PPP1R9A: variants seen among roughly 807,000 people sequenced by gnomAD.
PPP1R9A encodes protein phosphatase 1 regulatory subunit 9A, also known as neurabin-1.
In PPP1R9A, 59 loss-of-function variants were observed where a neutral mutation model predicts 141.9. The ratio of observed to expected loss-of-function variants is 0.42; its 90% confidence interval spans 0.34 to 0.52. The LOEUF is 0.52. Ranked by LOEUF, PPP1R9A falls within the 20% of genes least tolerant of loss-of-function variation. The pLI is 0.10. For synonymous variants in PPP1R9A, 500 were observed against 569.7 expected, an observed-to-expected ratio of 0.88 and a Z score of 1.74; for missense variants, 1,444 against 1,611.9, an observed-to-expected ratio of 0.90 and a Z score of 1.78.
chr7:95,208,956 TAAAAAAA>T (rs10670515), intron 7 of PPP1R9A, among the ~76,000 whole-genome samples: 2 of 76,922 alleles, frequency 2.6e-5, no homozygotes, highest in African/African-American at 5.4e-5. Context: ...ATAGCAAAAC[TAAAAAAA>T]AAAAAAAAAA....
At chr7:95,223,938 T>C (rs1217059715) in intron 7 of PPP1R9A, among the ~76,000 whole-genome samples, 1 of 152,048 alleles carries the variant, frequency 6.6e-6, no homozygotes, top group Non-Finnish European at 1.5e-5. Context: ...CACTGGAATT[T>C]ACCAAGTATT....
At chr7:95,000,067 T>G (rs924655626) in intron 2 of PPP1R9A, among the ~76,000 whole-genome samples, 5 of 152,108 alleles carry the variant, frequency 3.3e-5, no homozygotes, top group Non-Finnish European at 5.9e-5. Flanking sequence ...CCTCCCAAAG[T>G]TCTGGGATTA....
In PPP1R9A at chr7:94,912,279, G is replaced by C. The variant is rs186766200; in HGVS notation, c.1395+771G>C. 5.3e-5 allele frequency among the ~76,000 whole-genome samples: 8 copies of C among 152,318 alleles called. No individual in the cohort carries two copies. The East Asian group carries it at 1.5e-3, about 29-fold the overall frequency. ...AGTTAACATTTGGTATGGAAGAATA[G>C]CACAAAGTACATCAGCAGTGGGTGG... is the stretch of plus-strand genomic sequence containing the variant. On this transcript the variant is annotated intron_variant, in intron 2 of 19. Transcript: ENST00000433360.
At chr7:95,251,228 A>G (rs943189776) in intron 10 of PPP1R9A, among the ~76,000 whole-genome samples, 84 of 152,232 alleles carry the variant, frequency 5.5e-4, no homozygotes, top group Non-Finnish European at 2.1e-4. Flanking sequence ...TGCATATTCT[A>G]TTCCAGGTTT....
chr7:95,030,782 TC>T (rs1354893431), intron 2 of PPP1R9A, among the ~76,000 whole-genome samples: 2 of 152,184 alleles, frequency 1.3e-5, no homozygotes. Flanking sequence ...CTCTTACTCT[TC>T]CTTTAGAAGG....
chr7:94,916,663 G>T (rs929508520), intron 2 of PPP1R9A, among the ~76,000 whole-genome samples: 1 of 152,180 alleles, frequency 6.6e-6, no homozygotes, highest in Non-Finnish European at 1.5e-5. Context: ...GTTATAAAAA[G>T]TTGGGAGGAA....
At chr7:94,919,960 C>T (rs1792583038) in intron 2 of PPP1R9A, among the ~76,000 whole-genome samples, 1 of 152,062 alleles carries the variant, frequency 6.6e-6, no homozygotes. Flanking sequence ...TCGGCTTTAC[C>T]ATCCTGTAAT....
intron 4 of PPP1R9A, among the ~76,000 whole-genome samples, chr7:95,126,958 A>G (rs1385934996): frequency 6.6e-6 from 1 of 151,878 alleles, no homozygotes; most frequent in Non-Finnish European, 1.5e-5. Context: ...TGCCTTTTTC[A>G]TCCATTATTC....
intron 4 of PPP1R9A, among the ~76,000 whole-genome samples, chr7:95,140,302 G>A (rs528130005): frequency 5.9e-5 from 9 of 152,330 alleles, no homozygotes; most frequent in African/African-American, 2.2e-4. Flanking sequence ...CATGGATCAA[G>A]TGGGAGAAGG....
intron 2 of PPP1R9A, among the ~76,000 whole-genome samples, chr7:94,944,325 C>T (rs1481606163): frequency 6.6e-6 from 1 of 151,884 alleles, no homozygotes; most frequent in African/African-American, 2.4e-5. Context: ...TTTCAGACAC[C>T]TCCTATGATA....
intron 7 of PPP1R9A, among the ~76,000 whole-genome samples, chr7:95,220,895 TGAG>T (rs1794340631): frequency 6.6e-6 from 1 of 151,908 alleles, no homozygotes; most frequent in African/African-American, 2.4e-5. Flanking sequence ...GGCCAGTAAA[TGAG>T]GAGGACAGAG....
chr7:94,955,113 T>C lies in PPP1R9A; in HGVS notation c.1395+43605T>C, dbSNP rs910875863. Among the ~76,000 whole-genome samples the C allele has an allele frequency of 2.0e-5, 3 of 152,174 alleles. 1 individual carries two copies. The highest frequency in any genetic ancestry group is 2.0e-4 in the Admixed American group (3 of 15,272). ...TGTTTTTCTTTTCACTGTTTATTCA[T>C]GTATCATAGATTTTCCTCTAGTATT... On this transcript the variant is annotated intron_variant, in intron 2 of 19. Coordinates refer to ENST00000433360, the MANE Select transcript of PPP1R9A (RefSeq NM_001166160.2).
intron 2 of PPP1R9A, among the ~76,000 whole-genome samples, chr7:94,964,084 C>T (rs1271147801): frequency 6.6e-6 from 1 of 152,094 alleles, no homozygotes; most frequent in African/African-American, 2.4e-5. Flanking sequence ...CACAAGAAGT[C>T]AGGTGTGGAA....
chr7:94,922,444 T>C (rs1792966361), intron 2 of PPP1R9A, among the ~76,000 whole-genome samples: 2 of 152,128 alleles, frequency 1.3e-5, no homozygotes, highest in African/African-American at 4.8e-5. Context: ...TCTAAATCAG[T>C]GTTTGTTAGT....
At chr7:95,117,277 G>A (rs961306695) in intron 3 of PPP1R9A, among the ~76,000 whole-genome samples, 3 of 151,984 alleles carry the variant, frequency 2.0e-5, no homozygotes, top group Admixed American at 6.6e-5. Flanking sequence ...CTGGGTTCTC[G>A]ATGGGTCAGC....
intron 2 of PPP1R9A, among the ~76,000 whole-genome samples, chr7:95,048,172 TC>T: frequency 6.6e-6 from 1 of 152,318 alleles, no homozygotes; most frequent in East Asian, 1.9e-4. Context: ...TATTTCTTGT[TC>T]ACTAGGATGA....
intron 8 of PPP1R9A, among the ~76,000 whole-genome samples, chr7:95,229,641 G>A (rs1268999247): frequency 6.6e-6 from 1 of 152,102 alleles, no homozygotes; most frequent in Non-Finnish European, 1.5e-5. Context: ...ACTGAGCTAA[G>A]ACACTCCTGT....
chr7:95,152,352 T>C (rs1253613345), intron 4 of PPP1R9A, among the ~76,000 whole-genome samples: 1 of 152,234 alleles, frequency 6.6e-6, no homozygotes, highest in Non-Finnish European at 1.5e-5. Flanking sequence ...ATCTATTCTA[T>C]GTTTACATTA....
At chr7:95,211,143 TAA>T (rs58991785) in intron 7 of PPP1R9A, among the ~76,000 whole-genome samples, 88 of 142,058 alleles carry the variant, frequency 6.2e-4, no homozygotes, top group Middle Eastern at 3.6e-3. Context: ...ACTTAAAGTA[TAA>T]AAAAAAAAAA....
Sources: gnomAD v4.1 joint callset for allele counts (sites outside exome capture counted in the v4.1 genomes callset) on GRCh38, gnomAD v4.1.1 for gene constraint, MANE v1.5 for transcripts, NCBI Gene and HGNC (gene_info 2026-07-23, HGNC 2026-07-21) for gene names.